NARS2: variants seen among roughly 807,000 people sequenced by gnomAD.
NARS2 encodes the protein asparaginyl-tRNA synthetase 2, mitochondrial, also known as asparaginyl-tRNA synthetase.
A neutral mutation model predicts 62.9 loss-of-function variants in NARS2; 60 were observed. The observed-to-expected ratio is 0.95, with a 90% CI of 0.77 to 1.18. The LOEUF (loss-of-function observed/expected upper bound fraction) is 1.18, where lower values mean the gene tolerates loss of function less well. Among genes scored for constraint, NARS2 ranks in the 50% most tolerant of loss-of-function variants. The pLI is 0.00. For synonymous variants in NARS2, 196 were observed against 200.0 expected, an observed-to-expected ratio of 0.98 and a Z score of 0.17; for missense variants, 619 against 576.4, an observed-to-expected ratio of 1.07 and a Z score of -0.76.
Position 78,478,599 on chromosome 11 carries a change from C to A in NARS2, c.907G>T (p.Ala303Ser), listed in dbSNP as rs760776161. The change falls in exon 8 of 14, where the codon GCA becomes TCA. Residue 303 changes from alanine to serine, a missense_variant. Physicochemically the swap from Ala to Ser is moderately conservative, Grantham distance 99. Transcript: ENST00000281038. ...AAACTAATTACCTTTTGGCCAGGTG[C>A]TATGAATTTGTGACAGAGTTCAACA... ...EDVELCHKFI[A>S]PGQKDRLEHM... 1.2e-6 allele frequency: 2 copies of A among 1,609,084 alleles called. No homozygotes were observed. The highest frequency in any genetic ancestry group is 2.7e-5 in the African/African-American group (2 of 74,742).
rs114833250 is a variant in NARS2 at position 78,534,803 on chromosome 11, T to C, written c.595-5867A>G. Among the ~76,000 whole-genome samples the C allele has an allele frequency of 6.5e-3, 983 of 152,290 alleles. 8 individuals are homozygous for C. Among genetic ancestry groups the C allele is most frequent in the African/African-American group, 0.022 (922 of 41,552 alleles). On this transcript the variant is annotated intron_variant, in intron 5 of 13. Coordinates refer to ENST00000281038, the MANE Select transcript of NARS2 (RefSeq NM_024678.6). The stretch of plus-strand genomic sequence containing the variant: ...CGAATTGAAGTAGGACCTGGAAATA[T>C]GGGAGATACCTAAATCTGAGCGAGG...
In NARS2 at chr11:78,443,713, CA is replaced by C; in HGVS notation, c.1209del (p.Phe403LeufsTer13). On this transcript the variant is annotated frameshift_variant, in exon 12 of 14. Coordinates refer to ENST00000281038, the MANE Select transcript of NARS2 (RefSeq NM_024678.6). LOFTEE classifies it high-confidence loss of function. Reference protein sequence around the residue: ...DLLVPGVGELFGGGLREERYH... With the variant: ...DLLVPGVGELXGGGLREERYH... ...TATCGTTCTTCTCTGAGGCCTCCTC[CA>C]AAGAGTTCCCCAACTCCAGGAACCA... The C allele has an allele frequency of 6.2e-7, 1 of 1,613,576 alleles. No individual in the cohort carries two copies. The highest frequency in any genetic ancestry group is 8.5e-7 in the Non-Finnish European group (1 of 1,179,808).
At chr11:78,520,898 A>C (rs566629610) in intron 6 of NARS2, among the ~76,000 whole-genome samples, 65 of 152,080 alleles carry the variant, frequency 4.3e-4, no homozygotes, top group Non-Finnish European at 4.4e-5. Flanking sequence ...TCTGCTAAAA[A>C]CACAAAAACA....
At chr11:78,519,506 CTATAAA>C (rs1170262503) in intron 6 of NARS2, among the ~76,000 whole-genome samples, 1 of 152,106 alleles carries the variant, frequency 6.6e-6, no homozygotes, top group Non-Finnish European at 1.5e-5. Context: ...CAATCTTTTT[CTATAAA>C]TATATGTATA....
chr11:78,526,618 G>A (rs1197178762), intron 6 of NARS2, among the ~76,000 whole-genome samples: 1 of 152,012 alleles, frequency 6.6e-6, no homozygotes, highest in Non-Finnish European at 1.5e-5. Context: ...ATACTTCATG[G>A]CACACTAAAA....
intron 3 of NARS2, 152 bp from the exon 4 acceptor site, chr11:78,566,424 T>C: frequency 1.6e-6 from 1 of 621,230 alleles, no homozygotes; most frequent in Non-Finnish European, 2.5e-6. Context: ...ATCCACATTA[T>C]TTCCACCAGG....
chr11:78,538,777 C>T (rs999452315), intron 5 of NARS2, among the ~76,000 whole-genome samples: 6 of 151,538 alleles, frequency 4.0e-5, no homozygotes, highest in South Asian at 2.1e-4. Flanking sequence ...GGGCGGATCA[C>T]GAGGTCAGGA....
At chr11:78,514,012 G>T (rs1860815023) in intron 6 of NARS2, among the ~76,000 whole-genome samples, 1 of 152,102 alleles carries the variant, frequency 6.6e-6, no homozygotes. Context: ...CTTCTTCCAT[G>T]ATTAGAAGCT....
At chr11:78,550,936 C>T (rs537476166) in intron 5 of NARS2, among the ~76,000 whole-genome samples, 1 of 152,236 alleles carries the variant, frequency 6.6e-6, no homozygotes, top group South Asian at 2.1e-4. Context: ...CTGATACATA[C>T]TACAATACTT....
intron 5 of NARS2, among the ~76,000 whole-genome samples, chr11:78,548,951 C>T (rs1268257550): frequency 2.6e-5 from 4 of 152,162 alleles, no homozygotes; most frequent in Admixed American, 6.5e-5. Flanking sequence ...TCCTCCTTTC[C>T]CCTCACAGCT....
chr11:78,503,289 G>C (rs1409444647), intron 6 of NARS2, among the ~76,000 whole-genome samples: 1 of 152,186 alleles, frequency 6.6e-6, no homozygotes, highest in Admixed American at 6.5e-5. Flanking sequence ...CCAGACTGGA[G>C]TGCAGTGATG....
chr11:78,521,964 G>C (rs1240786090), intron 6 of NARS2, among the ~76,000 whole-genome samples: 1 of 151,954 alleles, frequency 6.6e-6, no homozygotes, highest in Non-Finnish European at 1.5e-5. Flanking sequence ...AATGCAAAGA[G>C]GCAGCAACAA....
chr11:78,474,527 C>G (rs570338152), intron 9 of NARS2, among the ~76,000 whole-genome samples: 1 of 152,338 alleles, frequency 6.6e-6, no homozygotes, highest in South Asian at 2.1e-4. Context: ...TCATGGTTCA[C>G]TACCCTCAGT....
intron 6 of NARS2, among the ~76,000 whole-genome samples, chr11:78,507,711 G>A (rs553760658): frequency 2.6e-5 from 4 of 151,954 alleles, no homozygotes; most frequent in Non-Finnish European, 5.9e-5. Context: ...AATAGAGACA[G>A]GGTTTCACCA....
intron 2 of NARS2, among the ~76,000 whole-genome samples, chr11:78,569,879 T>C (rs1856861230): frequency 6.6e-6 from 1 of 152,122 alleles, no homozygotes. Context: ...AATTACAAAG[T>C]TGTTTAAAAG....
intron 7 of NARS2, among the ~76,000 whole-genome samples, chr11:78,487,217 A>G (rs572929614): frequency 6.6e-5 from 10 of 152,006 alleles, no homozygotes; most frequent in Non-Finnish European, 1.5e-4. Flanking sequence ...TTAGTCAGGT[A>G]TGGTGGCAGG....
chr11:78,512,839 T>C (rs551400347), intron 6 of NARS2, among the ~76,000 whole-genome samples: 2 of 152,356 alleles, frequency 1.3e-5, no homozygotes, highest in East Asian at 1.9e-4. Context: ...ATACATAAGA[T>C]ATTGTGTACA....
intron 5 of NARS2, among the ~76,000 whole-genome samples, chr11:78,548,150 C>T (rs188629414): frequency 4.7e-4 from 72 of 152,208 alleles, no homozygotes; most frequent in African/African-American, 1.7e-3. Flanking sequence ...AGGAGTTGGA[C>T]GTTGCACTGA....
chr11:78,544,145 T>C (rs935259230), intron 5 of NARS2, among the ~76,000 whole-genome samples: 9 of 152,130 alleles, frequency 5.9e-5, no homozygotes, highest in Non-Finnish European at 1.0e-4. Context: ...GACTTTTAAC[T>C]GGTTTCTCTT....
Sources: gnomAD v4.1 joint callset for allele counts (sites outside exome capture counted in the v4.1 genomes callset) on GRCh38, gnomAD v4.1.1 for gene constraint, MANE v1.5 for transcripts, NCBI Gene and HGNC (gene_info 2026-07-23, HGNC 2026-07-21) for gene names.